Variants in ZNF800 observed in about 807,000 individuals in gnomAD.
The protein encoded by ZNF800 is zinc finger protein 800.
A neutral mutation model predicts 59.5 loss-of-function variants in ZNF800; 13 were observed. That is an observed-to-expected ratio of 0.22 (90% CI 0.14 to 0.35). The LOEUF (loss-of-function observed/expected upper bound fraction) is 0.35, where lower values mean the gene tolerates loss of function less well. ZNF800 is among the 10% of genes least tolerant of loss of function. ZNF800 has a pLI of 1.00. For synonymous variants in ZNF800, 266 were observed against 265.7 expected (o/e 1.00, Z -0.01); for missense variants, 621 against 783.7 (o/e 0.79, Z 2.48).
intron 5 of ZNF800, chr7:127,372,567 C>T (rs1800661673): frequency 1.1e-6 from 1 of 950,178 alleles, no homozygotes; most frequent in Non-Finnish European, 1.3e-6. Context: ...AAAAACAAAT[C>T]CCTAGTTAAT....
chr7:127,391,860 C>A (rs2117231716), intron 1 of ZNF800, among the ~76,000 whole-genome samples, 200 bp downstream of exon 1: 1 of 151,870 alleles, frequency 6.6e-6, no homozygotes, highest in African/African-American at 2.4e-5. Flanking sequence ...TGGCCGGCAG[C>A]GCGGGCGGCT....
chr7:127,345,534 CAG>C (rs1487594545), downstream of ZNF800, among the ~76,000 whole-genome samples: 3 of 152,122 alleles, frequency 2.0e-5, no homozygotes, highest in African/African-American at 7.2e-5. Context: ...GCAGCTTAAA[CAG>C]AGACAACAGC....
At chr7:127,375,952 C>T (rs536188771) in intron 4 of ZNF800, among the ~76,000 whole-genome samples, 107 of 151,884 alleles carry the variant, frequency 7.0e-4, no homozygotes, top group South Asian at 2.1e-4. Flanking sequence ...ATGAGTATTG[C>T]GAAGACAAGT....
chr7:127,348,278 T>C (rs1435115297), intron 1 of ZNF800, among the ~76,000 whole-genome samples: 1 of 151,976 alleles, frequency 6.6e-6, no homozygotes, highest in African/African-American at 2.4e-5. Context: ...GGAAAATGTA[T>C]CAAAACCCTT....
rs764208477 is a variant in ZNF800 at position 127,374,513 on chromosome 7, T to C, written c.823A>G (p.Lys275Glu). 14 of 1,614,158 alleles carry C rather than the reference T, an allele frequency of 8.7e-6. No homozygotes were observed. The highest frequency in any genetic ancestry group is 3.3e-5 in the South Asian group (3 of 91,078). The change falls in exon 5 of 6, where the codon AAA becomes GAA. Residue 275 changes from lysine to glutamate, a missense_variant. By Grantham distance (56) the Lys-to-Glu change is moderately conservative (BLOSUM62 1). Coordinates refer to ENST00000265827, the MANE Select transcript of ZNF800 (RefSeq NM_176814.5). ...ETRKNPNQSSKGRSKNVLVPL... is the reference protein window; with the variant it reads ...ETRKNPNQSSEGRSKNVLVPL... ...ACTAGAACATTCTTACTGCGTCCTT[T>C]AGAGGATTGGTTTGGATTCTTTCGT...
At chr7:127,372,717 A>C (rs931105775) in intron 5 of ZNF800, 7 of 985,264 alleles carry the variant, frequency 7.1e-6, no homozygotes, top group South Asian at 4.7e-5. Flanking sequence ...GAAGGAAAAA[A>C]AATCCAAACT....
At position 127,348,858 on chromosome 7, in the gene ZNF800, TTTC is replaced by T. The variant is rs754025143; in HGVS notation, n.225-818_225-816del. 5.3e-4 allele frequency among the ~76,000 whole-genome samples: 81 copies of T among 152,236 alleles called. 2 individuals are homozygous for T. The highest frequency in any genetic ancestry group is 2.4e-4 in the Non-Finnish European group (16 of 68,038). ...ATCTCAATTCAAATTTATGAAAATCTTTCTTTTCTATTGTGTAGCAAAGTGGTG... is the reference window on the plus strand; with the variant it reads ...ATCTCAATTCAAATTTATGAAAATCTTTTTCTATTGTGTAGCAAAGTGGTG... On this transcript the variant is annotated intron_variant and non_coding_transcript_variant, in intron 1 of 1. Coordinates refer to the ZNF800 transcript ENST00000485577.
intron 1 of ZNF800, chr7:127,363,333 A>G (rs1800434200): frequency 6.6e-6 from 1 of 152,082 alleles, no homozygotes; most frequent in Admixed American, 6.6e-5. Flanking sequence ...AATCACTAAG[A>G]GTATATAAAA....
rs986516815 is a variant in ZNF800, at chr7:127,392,135, T to C, written c.-134A>G. 3 of 394,060 alleles carry C rather than the reference T, an allele frequency of 7.6e-6. No homozygotes were observed. The highest frequency in any genetic ancestry group is 1.3e-5 in the Non-Finnish European group (3 of 223,276). 24.4% of individuals were successfully genotyped at this position (394,060 alleles called of 1,614,324 possible). On this transcript the variant is annotated 5_prime_UTR_variant, in exon 1 of 6. Coordinates refer to ENST00000265827, the MANE Select transcript of ZNF800 (RefSeq NM_176814.5). ...GGGCGGCCGCGGGGACAGCCTGGCG[T>C]GGGAGGCGGCTGCGGGCCCCACCTG...
Position 127,373,424 on chromosome 7 carries a change from T to C in ZNF800, c.1912A>G (p.Lys638Glu). The change falls in exon 5 of 6, where the codon AAA becomes GAA. Residue 638 changes from lysine (K) to glutamate (E), a missense_variant. This residue lies in a region of ZNF800 where 94 missense variants were observed against 108.5 expected (regional missense o/e 0.87). Coordinates refer to ENST00000265827, the MANE Select transcript of ZNF800 (RefSeq NM_176814.5). Reference protein sequence around the residue: ...AKKTYLEHHKKTHKANASNSP... With the variant: ...AKKTYLEHHKETHKANASNSP... ...TTGGAAGCATTTGCCTTATGAGTTT[T>C]CTTATGATGTTCAAGGTAAGTCTTT... The C allele has an allele frequency of 6.2e-7, 1 of 1,614,106 alleles. No homozygotes were observed. Among genetic ancestry groups the C allele is most frequent in the Non-Finnish European group, 8.5e-7 (1 of 1,179,998 alleles).
chr7:127,354,864 C>T (rs894477774), intron 1 of ZNF800, among the ~76,000 whole-genome samples: 1 of 151,930 alleles, frequency 6.6e-6, no homozygotes, highest in Non-Finnish European at 1.5e-5. Flanking sequence ...ATGGCTCAAT[C>T]GAAGGTATAT....
chr7:127,366,641 T>G (rs1250528200), downstream of ZNF800, among the ~76,000 whole-genome samples: 2 of 152,134 alleles, frequency 1.3e-5, no homozygotes, highest in African/African-American at 4.8e-5. Flanking sequence ...CTGTCACCTT[T>G]CAAAAGAAAG....
At chr7:127,353,639 TACTG>T (rs939511540) in intron 1 of ZNF800, among the ~76,000 whole-genome samples, 16 of 152,192 alleles carry the variant, frequency 1.1e-4, no homozygotes, top group African/African-American at 2.9e-4. Context: ...AAAGCAGAAT[TACTG>T]ACTAATTATC....
In ZNF800 at chr7:127,392,571, G is replaced by A. The variant is rs1161302623; in HGVS notation, c.-570C>T. 4.3e-6 allele frequency: 1 copy of A among 233,952 alleles called. No homozygotes were observed. Among genetic ancestry groups the A allele is most frequent in the Non-Finnish European group, 8.2e-6 (1 of 121,440 alleles). The allele number at this position is 233,952 out of a possible 1,614,324, so 14.5% of individuals were successfully genotyped here. Reference sequence around the variant, plus strand: ...ACCTTGGGCCTTTTCGGTGGTAGTTGTTGTTTCAGGAAACTTTATTAAGTC... The same window carrying A: ...ACCTTGGGCCTTTTCGGTGGTAGTTATTGTTTCAGGAAACTTTATTAAGTC... On this transcript the variant is annotated 5_prime_UTR_variant, in exon 1 of 6. Coordinates refer to ENST00000265827, the MANE Select transcript of ZNF800 (RefSeq NM_176814.5).
At chr7:127,365,979 T>C (rs1425612920), downstream of ZNF800, among the ~76,000 whole-genome samples, 5 of 152,158 alleles carry the variant, frequency 3.3e-5, no homozygotes, top group Admixed American at 1.3e-4. Flanking sequence ...AAGTACACTA[T>C]ACACATCATT....
chr7:127,356,280 TGA>T (rs202012438), intron 1 of ZNF800, among the ~76,000 whole-genome samples: 18 of 151,562 alleles, frequency 1.2e-4, no homozygotes, highest in East Asian at 5.8e-4. Context: ...TATGTGTGTG[TGA>T]GAGAGAGAGA....
intron 2 of ZNF800, among the ~76,000 whole-genome samples, chr7:127,390,616 G>T (rs541307707): frequency 6.6e-6 from 1 of 152,188 alleles, no homozygotes; most frequent in East Asian, 1.9e-4. Flanking sequence ...CAAAAAGCAA[G>T]CAAATGTATT....
chr7:127,384,863 A>G (rs1322075095), intron 3 of ZNF800, among the ~76,000 whole-genome samples: 1 of 152,202 alleles, frequency 6.6e-6, no homozygotes. Context: ...AATTATCAAA[A>G]GTAAAAATCA....
In ZNF800 at chr7:127,374,815, C is replaced by T; in HGVS notation, c.521G>A (p.Ser174Asn). The T allele has an allele frequency of 3.7e-6, 6 of 1,613,280 alleles. No individual in the cohort carries two copies. The highest frequency in any genetic ancestry group is 1.1e-5 in the South Asian group (1 of 90,982). Residue 174 changes from serine (S) to asparagine (N), a missense_variant, in exon 5 of 6, where the codon AGC (serine) becomes AAC (asparagine). Transcript: ENST00000265827. ...EQTEVQIQET[S>N]TEQSKTVPVT... ...CGGTACTGTTTTTGACTGTTCAGTG[C>T]TAGTTTCCTGTATCTGAACTTCGGT...
Sources: gnomAD v4.1 joint callset for allele counts (sites outside exome capture counted in the v4.1 genomes callset) on GRCh38, gnomAD v4.1.1 for gene constraint, gnomAD v4.1.1 regional missense constraint, MANE v1.5 for transcripts, NCBI Gene and HGNC (gene_info 2026-07-23, HGNC 2026-07-21) for gene names.